Variants in ARMC9 observed in about 807,000 individuals in gnomAD.
ARMC9 encodes lisH domain-containing protein ARMC9.
In ARMC9, 94 loss-of-function variants were observed where a neutral mutation model predicts 107.0. The observed-to-expected ratio is 0.88, with a 90% CI of 0.74 to 1.04. ARMC9 has a LOEUF of 1.04. Ranked by LOEUF, ARMC9 falls within the 50% of genes least tolerant of loss-of-function variation. The probability of loss-of-function intolerance (pLI) is 0.00; values close to 1 mark genes in which losing one functional copy is unlikely to be tolerated. For synonymous variants in ARMC9, 380 were observed against 396.9 expected, an observed-to-expected ratio of 0.96 and a Z score of 0.51; for missense variants, 942 against 1,030.1, an observed-to-expected ratio of 0.91 and a Z score of 1.17.
intron 19 of ARMC9, among the ~76,000 whole-genome samples, chr2:231,312,650 A>C (rs1036563171): frequency 6.9e-6 from 1 of 143,914 alleles, no homozygotes; most frequent in African/African-American, 2.6e-5. Context: ...AATTGAAGTT[A>C]GAGTTTTGGT....
At chr2:231,371,075 C>G (rs1488235709) in intron 24 of ARMC9, 2 of 461,066 alleles carry the variant, frequency 4.3e-6, no homozygotes, top group South Asian at 3.1e-5. Context: ...CAGCCAGTCG[C>G]AGCCCAGGTC....
Position 231,207,861 on chromosome 2 carries a change from A to G in ARMC9, c.52-266A>G, listed in dbSNP as rs187237614. 3.4e-3 allele frequency among the ~76,000 whole-genome samples: 517 copies of G among 152,282 alleles called. 5 individuals are homozygous for G. Among genetic ancestry groups the G allele is most frequent in the African/African-American group, 0.011 (452 of 41,548 alleles). ...TTTACAGTCTCACCAAGAGTGCACA[A>G]GTGTTTCCTTTTCTCCACATCCTTG... On this transcript the variant is annotated intron_variant, in intron 2 of 24. Coordinates refer to ENST00000611582, the MANE Select transcript of ARMC9 (RefSeq NM_001352754.2).
intron 3 of ARMC9, among the ~76,000 whole-genome samples, chr2:231,211,790 T>G (rs1162863988): frequency 6.6e-6 from 1 of 152,216 alleles, no homozygotes; most frequent in Non-Finnish European, 1.5e-5. Flanking sequence ...TTTTAAAATA[T>G]TCACCATTTT....
intron 16 of ARMC9, among the ~76,000 whole-genome samples, chr2:231,281,816 G>A (rs1042424115): frequency 3.8e-4 from 58 of 152,204 alleles, no homozygotes; most frequent in Admixed American, 6.5e-4. Flanking sequence ...AATGAAATGC[G>A]CAGGAGTAAG....
chr2:231,281,925 A>C, intron 16 of ARMC9, 134 bp from the exon 17 acceptor site: 1 of 767,966 alleles, frequency 1.3e-6, no homozygotes, highest in South Asian at 1.7e-5. Flanking sequence ...TACATCCTGG[A>C]GCACAGGAGA....
At chr2:231,300,279 A>C (rs991550842) in intron 19 of ARMC9, among the ~76,000 whole-genome samples, 6 of 152,228 alleles carry the variant, frequency 3.9e-5, no homozygotes, top group Non-Finnish European at 8.8e-5. Flanking sequence ...ATGCTCAGCA[A>C]TTTCCTTCTA....
At chr2:231,363,161 G>A (rs1374959024) in intron 23 of ARMC9, among the ~76,000 whole-genome samples, 2 of 152,238 alleles carry the variant, frequency 1.3e-5, no homozygotes, top group African/African-American at 4.8e-5. Flanking sequence ...TGCCAGGAGT[G>A]CAGGGCATCT....
intron 10 of ARMC9, among the ~76,000 whole-genome samples, chr2:231,257,224 G>T (rs1238178236): frequency 1.3e-5 from 2 of 152,234 alleles, no homozygotes; most frequent in African/African-American, 2.4e-5. Context: ...CTATCATAGT[G>T]CAATCCACAG....
chr2:231,296,316 C>G, intron 19 of ARMC9, 63 bp downstream of exon 19: 2 of 1,356,930 alleles, frequency 1.5e-6, no homozygotes, highest in Non-Finnish European at 2.1e-6. Flanking sequence ...TCTTTCCTGC[C>G]TTGACAAGTT....
intron 20 of ARMC9, among the ~76,000 whole-genome samples, chr2:231,333,276 C>T (rs908907907): frequency 3.3e-5 from 5 of 152,172 alleles, no homozygotes; most frequent in African/African-American, 7.2e-5. Flanking sequence ...AGAGCTAGGA[C>T]GCCACTGGAG....
intron 23 of ARMC9, among the ~76,000 whole-genome samples, chr2:231,367,064 A>G (rs933006811): frequency 6.3e-4 from 95 of 151,726 alleles, no homozygotes; most frequent in African/African-American, 2.0e-3. Context: ...GTTAGCCAGG[A>G]TGGTCTCGAT....
intron 2 of ARMC9, among the ~76,000 whole-genome samples, chr2:231,207,892 A>G (rs1454229992): frequency 6.6e-6 from 1 of 152,070 alleles, no homozygotes; most frequent in Non-Finnish European, 1.5e-5. Context: ...CCTTGCCAAG[A>G]CTTTTTATCT....
At chr2:231,361,505 A>G (rs2045581600) in intron 23 of ARMC9, among the ~76,000 whole-genome samples, 1 of 147,454 alleles carries the variant, frequency 6.8e-6, no homozygotes, top group South Asian at 2.1e-4. Flanking sequence ...CGAGCAGAAG[A>G]AAAAAAAAAA....
intron 19 of ARMC9, among the ~76,000 whole-genome samples, chr2:231,329,204 G>T (rs1035057999): frequency 1.3e-5 from 2 of 152,088 alleles, no homozygotes; most frequent in Non-Finnish European, 2.9e-5. Context: ...CTGGGATTTT[G>T]ATAGAAATTC....
chr2:231,204,530 G>A (rs1429241169), intron 1 of ARMC9, among the ~76,000 whole-genome samples: 1 of 152,034 alleles, frequency 6.6e-6, no homozygotes, highest in Non-Finnish European at 1.5e-5. Flanking sequence ...CCCTTTCCTT[G>A]CGCTGTTTTC....
intron 19 of ARMC9, among the ~76,000 whole-genome samples, chr2:231,324,031 T>G (rs536847930): frequency 6.6e-6 from 1 of 151,830 alleles, no homozygotes; most frequent in African/African-American, 2.4e-5. Flanking sequence ...TATTAATGGG[T>G]AGCAAATATT....
At chr2:231,276,950 A>T (rs921129074) in intron 15 of ARMC9, among the ~76,000 whole-genome samples, 175 bp downstream of exon 15, 1 of 152,226 alleles carries the variant, frequency 6.6e-6, no homozygotes, top group Non-Finnish European at 1.5e-5. Context: ...CCTGAAGGCA[A>T]AATCCATTCT....
intron 9 of ARMC9, among the ~76,000 whole-genome samples, chr2:231,243,934 A>AT (rs1346574684): frequency 2.0e-5 from 3 of 152,132 alleles, no homozygotes; most frequent in South Asian, 2.1e-4. Flanking sequence ...TTTTTTGCTG[A>AT]TTTTTTTAAA....
intron 9 of ARMC9, chr2:231,240,291 C>T: frequency 1.9e-6 from 1 of 516,856 alleles, no homozygotes; most frequent in Non-Finnish European, 3.4e-6. Flanking sequence ...AGTGGGGGTT[C>T]CCAGGGTTGG....
Sources: allele counts gnomAD v4.1 joint callset (sites outside exome capture counted in the v4.1 genomes callset), GRCh38; gene constraint gnomAD v4.1.1; transcripts MANE v1.5; gene names NCBI Gene and HGNC (gene_info 2026-07-23, HGNC 2026-07-21).